DMD: variants seen among roughly 807,000 people sequenced by gnomAD.
DMD encodes the protein mutant dystrophin.
DMD carries 63 observed loss-of-function variants against 330.1 expected under a neutral mutation model. The ratio of observed to expected loss-of-function variants is 0.19; its 90% CI spans 0.16 to 0.24. The LOEUF (loss-of-function observed/expected upper bound fraction) is 0.24. DMD is among the 10% of genes least tolerant of loss of function. DMD has a pLI of 1.00. For missense variants in DMD, 3,344 were observed against 2,684.1 expected, an observed-to-expected ratio of 1.25 and a Z score of -5.43; for synonymous variants, 1,223 against 959.8, an observed-to-expected ratio of 1.27 and a Z score of -5.07.
chrX:33,031,149 C>A (rs2094104035), intron 1 of DMD, among the ~76,000 whole-genome samples: 1 of 111,131 alleles, frequency 9.0e-6, no homozygotes, highest in African/African-American at 3.3e-5. Flanking sequence ...CCACAAGCAT[C>A]CACATCTCTC....
At chrX:31,877,384 G>A (rs776996669) in intron 47 of DMD, among the ~76,000 whole-genome samples, 2 of 110,703 alleles carry the variant, frequency 1.8e-5, no homozygotes, top group Admixed American at 9.6e-5. Context: ...GCACCTCATC[G>A]CAGGAGCTGT....
intron 1 of DMD, among the ~76,000 whole-genome samples, chrX:33,252,596 A>G (rs2052788848): frequency 9.5e-6 from 1 of 105,131 alleles, no homozygotes; most frequent in Non-Finnish European, 1.9e-5. Context: ...CTGAGAATGT[A>G]GGGGATTTGG....
intron 49 of DMD, among the ~76,000 whole-genome samples, chrX:31,830,669 T>C (rs1036997745): frequency 9.0e-6 from 1 of 111,620 alleles, no homozygotes; most frequent in Non-Finnish European, 1.9e-5. Flanking sequence ...TGTGAATGGG[T>C]ATTGAAGTTT....
At chrX:31,871,658 A>G (rs1379484061) in intron 48 of DMD, among the ~76,000 whole-genome samples, 2 of 109,333 alleles carry the variant, frequency 1.8e-5, no homozygotes, top group African/African-American at 6.7e-5. Context: ...CTGTTCGTAT[A>G]TCTACTTCCT....
chrX:32,887,351 A>AT (rs1557116865), intron 2 of DMD, among the ~76,000 whole-genome samples: 29 of 110,250 alleles, frequency 2.6e-4, no homozygotes, highest in Middle Eastern at 4.8e-3. Flanking sequence ...CATCTCAAAA[A>AT]AAATAAATAA....
chrX:32,997,169 T>G (rs1689914381), intron 2 of DMD, among the ~76,000 whole-genome samples: 1 of 111,214 alleles, frequency 9.0e-6, no homozygotes, highest in Non-Finnish European at 1.9e-5. Context: ...ATCTCACCTT[T>G]TAAAAAATTT....
intron 55 of DMD, among the ~76,000 whole-genome samples, chrX:31,565,310 C>T (rs776445827): frequency 9.0e-6 from 1 of 111,151 alleles, no homozygotes; most frequent in South Asian, 3.8e-4. Flanking sequence ...CCTGTTGTCC[C>T]GGACTCCTTG....
At chrX:32,736,336 A>T (rs2068480523) in intron 7 of DMD, among the ~76,000 whole-genome samples, 1 of 111,594 alleles carries the variant, frequency 9.0e-6, no homozygotes. Flanking sequence ...AACTAGTTCA[A>T]CCATTGTGGA....
intron 11 of DMD, among the ~76,000 whole-genome samples, chrX:32,630,822 G>A (rs1433089648): frequency 3.6e-5 from 4 of 111,924 alleles, no homozygotes; most frequent in African/African-American, 6.5e-5. Context: ...AGATTGGTCA[G>A]CGATGCCTTA....
At chrX:31,166,162 T>G (rs1293555796) in intron 74 of DMD, among the ~76,000 whole-genome samples, 1 of 112,246 alleles carries the variant, frequency 8.9e-6, no homozygotes, top group Non-Finnish European at 1.9e-5. Flanking sequence ...TTCAATTCAT[T>G]TATTCATTAA....
In DMD at chrX:32,047,721, A is replaced by T. The variant is rs1569536667; in HGVS notation, c.6439-79207T>A. On this transcript the variant is annotated intron_variant, in intron 44 of 78. Transcript: ENST00000357033. Reference sequence around the variant, plus strand: ...AAGACTCTACTTTAGGCAGTTTCACATATCATTAAAACAAAAATTTACAGA... The same window carrying T: ...AAGACTCTACTTTAGGCAGTTTCACTTATCATTAAAACAAAAATTTACAGA... Among the ~76,000 whole-genome samples, 3 of 111,337 alleles carry T rather than the reference A, an allele frequency of 2.7e-5. No individual in the cohort carries two copies. The South Asian group carries it at 1.1e-3, about 41-fold the overall frequency.
At chrX:31,243,145 C>A (rs1029654422) in intron 63 of DMD, among the ~76,000 whole-genome samples, 4 of 112,016 alleles carry the variant, frequency 3.6e-5, no homozygotes, top group Non-Finnish European at 7.5e-5. Context: ...TCACAGAAAA[C>A]TGTAAATGTA....
intron 74 of DMD, among the ~76,000 whole-genome samples, chrX:31,163,217 G>A (rs756778457): frequency 4.8e-4 from 54 of 111,683 alleles, no homozygotes; most frequent in Non-Finnish European, 7.9e-4. Context: ...GAGGAACCCA[G>A]TGGGAGGTAA....
chrX:31,531,915 C>T (rs1341527597), intron 55 of DMD, among the ~76,000 whole-genome samples: 15 of 86,644 alleles, frequency 1.7e-4, no homozygotes, highest in African/African-American at 5.5e-4. Context: ...TGAAATGAAG[C>T]GAGAAGGGAA....
At chrX:32,789,661 A>G (rs945124873) in intron 7 of DMD, among the ~76,000 whole-genome samples, 2 of 112,130 alleles carry the variant, frequency 1.8e-5, no homozygotes, top group Non-Finnish European at 3.8e-5. Context: ...TGATTTTAAT[A>G]AAGCTCTCTA....
chrX:31,287,369 G>A (rs969588034), intron 62 of DMD, among the ~76,000 whole-genome samples: 6 of 112,052 alleles, frequency 5.4e-5, no homozygotes, highest in Admixed American at 1.9e-4. Flanking sequence ...CTCCCACAAC[G>A]CAAGAGAGGA....
At chrX:31,823,493 A>G (rs1254900860) in intron 49 of DMD, among the ~76,000 whole-genome samples, 4 of 112,003 alleles carry the variant, frequency 3.6e-5, no homozygotes, top group African/African-American at 1.3e-4. Flanking sequence ...CTTGACTTCA[A>G]TGTGAACTAC....
intron 51 of DMD, among the ~76,000 whole-genome samples, chrX:31,766,873 TTG>T (rs756777827): frequency 3.7e-3 from 376 of 100,953 alleles, no homozygotes; most frequent in Admixed American, 5.6e-3. Flanking sequence ...AAATATGATT[TTG>T]TGTGTGTGTG....
chrX:32,451,444 C>T (rs2098329714), intron 26 of DMD, among the ~76,000 whole-genome samples: 1 of 110,287 alleles, frequency 9.1e-6, no homozygotes, highest in South Asian at 3.8e-4. Flanking sequence ...GAGTGTTTTT[C>T]AAAGGGTTTT....
Sources: allele counts gnomAD v4.1 joint callset (sites outside exome capture counted in the v4.1 genomes callset), GRCh38; gene constraint gnomAD v4.1.1; transcripts MANE v1.5; gene names NCBI Gene and HGNC (gene_info 2026-07-23, HGNC 2026-07-21).